TXNDC11: variants seen among roughly 807,000 people sequenced by gnomAD.
The protein encoded by TXNDC11 is thioredoxin domain-containing protein 11.
A neutral mutation model predicts 78.0 loss-of-function variants in TXNDC11; 68 were observed. That is an observed-to-expected ratio of 0.87 (90% CI 0.72 to 1.07). The LOEUF (loss-of-function observed/expected upper bound fraction) is 1.07. Among genes scored for constraint, TXNDC11 ranks in the 50% least tolerant of loss-of-function variants. The probability of loss-of-function intolerance (pLI) is 0.00; values close to 1 mark genes in which losing one functional copy is unlikely to be tolerated. For synonymous variants in TXNDC11, 571 were observed against 495.2 expected, an observed-to-expected ratio of 1.15 and a Z score of -2.03; for missense variants, 1,389 against 1,221.8, an observed-to-expected ratio of 1.14 and a Z score of -2.04.
rs1414811610 is a variant in TXNDC11, at chr16:11,737,589, C to T, written c.255-1356G>A. ...GTTAAATATAAAAGGAGAGGCCGGG[C>T]GCGGTGGCTCATGCCTGTAATTCCA... On this transcript the variant is annotated intron_variant, in intron 1 of 11. Transcript: ENST00000283033. Among the ~76,000 whole-genome samples, 4 of 151,614 alleles carry T rather than the reference C, an allele frequency of 2.6e-5. No individual in the cohort carries two copies. The South Asian group carries it at 6.3e-4, about 24-fold the overall frequency.
intron 5 of TXNDC11, among the ~76,000 whole-genome samples, chr16:11,707,827 A>C (rs2051227567): frequency 6.6e-6 from 1 of 151,964 alleles, no homozygotes; most frequent in African/African-American, 2.4e-5. Flanking sequence ...CACATCTATA[A>C]TCTCAACAGT....
At chr16:11,688,003 G>A (rs1395862686) in intron 9 of TXNDC11, 37 bp from the exon 10 acceptor site, 3 of 1,445,940 alleles carry the variant, frequency 2.1e-6, no homozygotes, top group African/African-American at 1.4e-5. Flanking sequence ...CTTGCACCGG[G>A]AAATGGGCTC....
At chr16:11,727,327 C>CA (rs906432855) in intron 4 of TXNDC11, among the ~76,000 whole-genome samples, 6 of 146,634 alleles carry the variant, frequency 4.1e-5, no homozygotes, top group Admixed American at 1.4e-4. Flanking sequence ...CTAAGTCAAG[C>CA]AAAAAAAAAC....
chr16:11,691,237 T>C lies in TXNDC11; in HGVS notation c.1900+53A>G, dbSNP rs2050704307. 5 of 1,477,132 alleles carry C rather than the reference T, an allele frequency of 3.4e-6. No individual in the cohort carries two copies. The South Asian group carries it at 5.2e-5, about 15-fold the overall frequency. 91.5% of individuals were successfully genotyped at this position (1,477,132 alleles called of 1,614,324 possible). A position where few individuals can be genotyped will look rare whatever the true frequency, so the allele number is the denominator to read the frequency against. On this transcript the variant is annotated intron_variant, in intron 8 of 11. Coordinates refer to ENST00000283033, the MANE Select transcript of TXNDC11 (RefSeq NM_015914.7). The stretch of plus-strand genomic sequence containing the variant: ...GAGAGCCATCAATAAAATTTACCCA[T>C]ATGAAGTCAAGCAAAATGTACAATG...
Sources: allele counts gnomAD v4.1 joint callset (sites outside exome capture counted in the v4.1 genomes callset), GRCh38; gene constraint gnomAD v4.1.1; transcripts MANE v1.5; gene names NCBI Gene and HGNC (gene_info 2026-07-23, HGNC 2026-07-21).